Variants in SGIP1 observed in about 807,000 individuals in gnomAD.
SGIP1 encodes the protein SH3-containing GRB2-like protein 3-interacting protein 1.
SGIP1 carries 38 observed loss-of-function variants against 107.5 expected under a neutral mutation model. The observed-to-expected ratio is 0.35, with a 90% CI of 0.27 to 0.46. The LOEUF is 0.46. SGIP1 is among the 20% of genes least tolerant of loss of function. SGIP1 has a pLI of 1.00. For synonymous variants in SGIP1, 365 were observed against 366.1 expected, an observed-to-expected ratio of 1.00 and a Z score of 0.03; for missense variants, 929 against 1,019.5, an observed-to-expected ratio of 0.91 and a Z score of 1.21.
intron 24 of SGIP1, among the ~76,000 whole-genome samples, chr1:66,742,460 CTTTT>C (rs764080079): frequency 2.9e-4 from 13 of 45,108 alleles, no homozygotes; most frequent in South Asian, 8.0e-4. Context: ...AGCACCCTTT[CTTTT>C]TTTTTTTTTT....
At chr1:66,644,648 A>G (rs1558188260) in intron 7 of SGIP1, among the ~76,000 whole-genome samples, 1 of 152,170 alleles carries the variant, frequency 6.6e-6, no homozygotes, top group South Asian at 2.1e-4. Context: ...CATCTCAACT[A>G]ACCTTTCTAA....
At chr1:66,734,848 A>T (rs995087841) in intron 21 of SGIP1, among the ~76,000 whole-genome samples, 1 of 152,098 alleles carries the variant, frequency 6.6e-6, no homozygotes, top group Admixed American at 6.6e-5. Context: ...TTAAATTGAC[A>T]GGTACAATTG....
chr1:66,579,259 G>A (rs2061493711), intron 1 of SGIP1, among the ~76,000 whole-genome samples: 1 of 152,160 alleles, frequency 6.6e-6, no homozygotes, highest in Admixed American at 6.5e-5. Flanking sequence ...GAAGCTACAT[G>A]TACTCAGCCT....
intron 18 of SGIP1, among the ~76,000 whole-genome samples, chr1:66,703,673 G>A (rs1262334656): frequency 6.7e-6 from 1 of 150,350 alleles, no homozygotes; most frequent in Non-Finnish European, 1.5e-5. Context: ...ACTATATATT[G>A]TATATCAGCT....
chr1:66,534,155 C>A lies in SGIP1; in HGVS notation c.-204C>A. On this transcript the variant is annotated 5_prime_UTR_variant, in exon 1 of 25. Coordinates refer to ENST00000371037, the MANE Select transcript of SGIP1 (RefSeq NM_032291.4). ...CGTTCCTCTCCCTTTCTCTCAGCAT[C>A]TTCTTGGTAGCCTGCCTGTAGGTGA... The A allele has an allele frequency of 1.6e-6, 1 of 614,366 alleles. No homozygotes were observed. The highest frequency in any genetic ancestry group is 2.9e-5 in the Admixed American group (1 of 34,912). 38.1% of individuals were successfully genotyped at this position (614,366 alleles called of 1,614,324 possible). A position where few individuals can be genotyped will look rare whatever the true frequency, so the allele number is the denominator to read the frequency against.
chr1:66,672,086 C>T (rs2083959661), intron 11 of SGIP1, 91 bp downstream of exon 11: 4 of 1,201,842 alleles, frequency 3.3e-6, no homozygotes, highest in Non-Finnish European at 3.7e-6. Flanking sequence ...ACTCTCAGCT[C>T]CCATTAACAA....
chr1:66,721,007 G>C (rs1232015701), intron 19 of SGIP1, among the ~76,000 whole-genome samples: 1 of 152,110 alleles, frequency 6.6e-6, no homozygotes, highest in African/African-American at 2.4e-5. Context: ...CCAGCCACTA[G>C]GATCTTTCAA....
At chr1:66,694,974 T>C (rs1465256140) in intron 17 of SGIP1, 2 of 250,562 alleles carry the variant, frequency 8.0e-6, no homozygotes, top group African/African-American at 4.5e-5. Context: ...TGATATGCAA[T>C]GCTTTGTCAT....
intron 8 of SGIP1, among the ~76,000 whole-genome samples, chr1:66,660,746 T>C (rs1429134600): frequency 6.6e-6 from 1 of 152,208 alleles, no homozygotes; most frequent in Non-Finnish European, 1.5e-5. Context: ...GGCCCTGGGG[T>C]AATTTTGTAA....
intron 7 of SGIP1, among the ~76,000 whole-genome samples, chr1:66,658,403 A>G (rs1375865153): frequency 6.6e-6 from 1 of 152,238 alleles, no homozygotes; most frequent in African/African-American, 2.4e-5. Flanking sequence ...ACAGGCAGAG[A>G]AATTAACAGT....
chr1:66,671,798 G>C, intron 10 of SGIP1, 146 bp from the exon 11 acceptor site: 1 of 689,044 alleles, frequency 1.5e-6, no homozygotes, highest in East Asian at 2.7e-5. Flanking sequence ...TGCATTGCCA[G>C]GGGAGAAGGT....
chr1:66,674,428 T>C (rs2084680768), intron 12 of SGIP1, among the ~76,000 whole-genome samples: 5 of 152,174 alleles, frequency 3.3e-5, no homozygotes, highest in African/African-American at 1.2e-4. Flanking sequence ...ATATAGAATG[T>C]TTTTATAAAA....
At chr1:66,742,584 C>T (rs2094490854) in intron 24 of SGIP1, among the ~76,000 whole-genome samples, 1 of 147,870 alleles carries the variant, frequency 6.8e-6, no homozygotes, top group Non-Finnish European at 1.5e-5. Context: ...ATTCTCCTGC[C>T]TCAGCCTCCT....
rs895038023 is a variant in SGIP1, at chr1:66,746,324, C to T, written c.*3229C>T. 3.9e-5 allele frequency: 6 copies of T among 152,080 alleles called. No homozygotes were observed. Among genetic ancestry groups the T allele is most frequent in the African/African-American group, 1.2e-4 (5 of 41,428 alleles). 9.4% of individuals were successfully genotyped at this position (152,080 alleles called of 1,614,324 possible). A position where few individuals can be genotyped will look rare whatever the true frequency, so the allele number is the denominator to read the frequency against. On this transcript the variant is annotated 3_prime_UTR_variant, in exon 25 of 25. Coordinates refer to ENST00000371037, the MANE Select transcript of SGIP1 (RefSeq NM_032291.4). ...GGGCTTTTTTTCTAATAAAATTGCA[C>T]ATGGAATCCTGGTAGGCAAAACAGC...
intron 1 of SGIP1, among the ~76,000 whole-genome samples, chr1:66,574,822 G>T (rs772407915): frequency 2.0e-5 from 3 of 151,664 alleles, no homozygotes; most frequent in Admixed American, 6.6e-5. Context: ...ACATGTATAT[G>T]TGTGTATATA....
intron 17 of SGIP1, chr1:66,690,647 C>G: frequency 5.4e-6 from 1 of 185,196 alleles, no homozygotes; most frequent in Non-Finnish European, 1.1e-5. Context: ...AAATAGTCTC[C>G]TTTGAGGGGA....
chr1:66,646,467 T>C (rs2077688333), intron 7 of SGIP1, among the ~76,000 whole-genome samples: 1 of 152,256 alleles, frequency 6.6e-6, no homozygotes, highest in Admixed American at 6.5e-5. Flanking sequence ...GTTGGACTTC[T>C]GATTTATGTT....
chr1:66,658,145 A>G (rs1021684532), intron 7 of SGIP1, among the ~76,000 whole-genome samples: 12 of 152,220 alleles, frequency 7.9e-5, no homozygotes, highest in African/African-American at 2.9e-4. Context: ...GATTTTAATT[A>G]AATAAGATGC....
chr1:66,663,968 G>GT (rs1461382305), intron 8 of SGIP1, among the ~76,000 whole-genome samples: 1 of 152,054 alleles, frequency 6.6e-6, no homozygotes, highest in Non-Finnish European at 1.5e-5. Flanking sequence ...TATATGTAAG[G>GT]TTTTGCCTCT....
Sources: allele counts gnomAD v4.1 joint callset (sites outside exome capture counted in the v4.1 genomes callset), GRCh38; gene constraint gnomAD v4.1.1; transcripts MANE v1.5; gene names NCBI Gene and HGNC (gene_info 2026-07-23, HGNC 2026-07-21).